Variants in SLC39A11 observed in about 807,000 individuals in gnomAD.
SLC39A11 encodes solute carrier family 39 member 11.
A neutral mutation model predicts 36.1 loss-of-function variants in SLC39A11; 33 were observed. That is an observed-to-expected ratio of 0.91 (90% CI 0.69 to 1.22). The LOEUF (loss-of-function observed/expected upper bound fraction) is 1.22. SLC39A11 is among the 50% of genes most tolerant of loss of function. The probability of loss-of-function intolerance (pLI) is 0.00; values close to 1 mark genes in which losing one functional copy is unlikely to be tolerated. For missense variants in SLC39A11, 432 were observed against 430.3 expected (o/e 1.00, Z -0.03); for synonymous variants, 166 against 170.3 (o/e 0.97, Z 0.20).
At chr17:72,875,261 T>G (rs921265993) in intron 5 of SLC39A11, among the ~76,000 whole-genome samples, 6 of 152,348 alleles carry the variant, frequency 3.9e-5, no homozygotes, top group African/African-American at 1.4e-4. Context: ...ATTATTGAAT[T>G]TGCCAGCAAG....
chr17:72,895,496 T>A (rs1280274755), intron 5 of SLC39A11, among the ~76,000 whole-genome samples: 1 of 151,974 alleles, frequency 6.6e-6, no homozygotes, highest in African/African-American at 2.4e-5. Context: ...GGAGAATTGC[T>A]TGAACCCAGG....
At chr17:72,709,527 C>T (rs2073030966) in intron 7 of SLC39A11, among the ~76,000 whole-genome samples, 1 of 152,122 alleles carries the variant, frequency 6.6e-6, no homozygotes, top group African/African-American at 2.4e-5. Flanking sequence ...ATGAGCTGAG[C>T]CAAATATCTT....
At chr17:72,727,089 G>A (rs1023736659) in intron 7 of SLC39A11, among the ~76,000 whole-genome samples, 1 of 152,188 alleles carries the variant, frequency 6.6e-6, no homozygotes, top group East Asian at 1.9e-4. Context: ...CTCTTGACGC[G>A]TGCTTAGTCA....
intron 5 of SLC39A11, among the ~76,000 whole-genome samples, chr17:72,916,691 C>T (rs558961309): frequency 1.3e-5 from 2 of 152,278 alleles, no homozygotes; most frequent in African/African-American, 4.8e-5. Context: ...GAGATACATC[C>T]CAGCCTTCCT....
chr17:72,772,790 G>C (rs779652612), intron 6 of SLC39A11, among the ~76,000 whole-genome samples: 20 of 152,218 alleles, frequency 1.3e-4, no homozygotes, highest in Non-Finnish European at 1.9e-4. Context: ...AGAGGAAAGA[G>C]AGAAATGCAC....
intron 6 of SLC39A11, among the ~76,000 whole-genome samples, chr17:72,799,065 C>T (rs2076996259): frequency 6.6e-6 from 1 of 151,180 alleles, no homozygotes; most frequent in Non-Finnish European, 1.5e-5. Context: ...GTGTGTGTGT[C>T]TGTGAGTGTG....
chr17:73,067,993 C>G lies in SLC39A11; in HGVS notation c.147+16815G>C, dbSNP rs1267143470. On this transcript the variant is annotated intron_variant, in intron 3 of 9. Transcript: ENST00000255559. ...AGGACTGATTCACATAAATAAACAA[C>G]TGTTCTGAGGCCACAAGTTTAAGAA... 3 of 1,595,048 alleles carry G rather than the reference C, an allele frequency of 1.9e-6. No individual in the cohort carries two copies. The African/African-American group carries it at 4.0e-5, about 21-fold the overall frequency.
chr17:73,085,745 T>G lies in SLC39A11; in HGVS notation c.109-899A>C, dbSNP rs147118990. 8.1e-3 allele frequency among the ~76,000 whole-genome samples: 1,228 copies of G among 151,590 alleles called. 19 individuals carry two copies. The highest frequency in any genetic ancestry group is 0.057 in the South Asian group (272 of 4,796). Reference sequence around the variant, plus strand: ...ACCGATGAGAGGTGAACACTATGTGTGCCACTCCTGAGTAATCCCATGACA... The same window carrying G: ...ACCGATGAGAGGTGAACACTATGTGGGCCACTCCTGAGTAATCCCATGACA... On this transcript the variant is annotated intron_variant, in intron 2 of 9. Coordinates refer to ENST00000255559, the MANE Select transcript of SLC39A11 (RefSeq NM_139177.4).
intron 5 of SLC39A11, among the ~76,000 whole-genome samples, chr17:72,857,273 T>C (rs545493600): frequency 3.1e-4 from 47 of 152,318 alleles, no homozygotes; most frequent in African/African-American, 1.1e-3. Flanking sequence ...CTAAGGATAA[T>C]AGCCTCCAAC....
At chr17:72,959,325 G>GTGTGTATATATATATA (rs1436484912) in intron 4 of SLC39A11, among the ~76,000 whole-genome samples, 7 of 65,538 alleles carry the variant, frequency 1.1e-4, no homozygotes, top group African/African-American at 4.8e-4. Flanking sequence ...GTGTGTGTGT[G>GTGTGTATATATATATA]TATATATATA....
In SLC39A11 at chr17:72,822,764, G is replaced by C. The variant is rs766643295; in HGVS notation, c.601+26870C>G. ...TTTTTTTGCTCTGTCACCCAGGCTG[G>C]AGTGCAGTGGCACGATCATAGCTCA... On this transcript the variant is annotated intron_variant, in intron 6 of 9. Transcript: ENST00000255559. 6.0e-5 allele frequency among the ~76,000 whole-genome samples: 9 copies of C among 150,864 alleles called. 1 individual carries two copies. The highest frequency in any genetic ancestry group is 1.2e-4 in the Non-Finnish European group (8 of 67,246).
chr17:72,825,626 G>C (rs2077994177), intron 6 of SLC39A11, among the ~76,000 whole-genome samples: 1 of 152,194 alleles, frequency 6.6e-6, no homozygotes, highest in African/African-American at 2.4e-5. Context: ...ACATGAGCCT[G>C]GAAAAGCAGC....
At chr17:73,078,940 T>TACACAC (rs34182605) in intron 3 of SLC39A11, among the ~76,000 whole-genome samples, 4 of 151,216 alleles carry the variant, frequency 2.6e-5, no homozygotes, top group Admixed American at 1.3e-4. Context: ...TGTTACATTT[T>TACACAC]ACACACACAC....
intron 4 of SLC39A11, among the ~76,000 whole-genome samples, chr17:72,995,882 T>C (rs948338967): frequency 2.0e-5 from 3 of 152,116 alleles, no homozygotes; most frequent in Non-Finnish European, 4.4e-5. Flanking sequence ...CTGACTAATA[T>C]ACTCCTCAAG....
At chr17:72,740,051 C>CTTTTCTTT (rs2074609094) in intron 6 of SLC39A11, among the ~76,000 whole-genome samples, 1 of 97,654 alleles carries the variant, frequency 1.0e-5, no homozygotes, top group African/African-American at 4.1e-5. Context: ...AATTTCTTTC[C>CTTTTCTTT]TTTTCTTTTT....
chr17:72,852,204 CAAAAAAAA>C lies in SLC39A11; in HGVS notation c.431-2408_431-2401del, dbSNP rs1167034424. On this transcript the variant is annotated intron_variant, in intron 5 of 9. Transcript: ENST00000255559. ...TGGGCAACAGAGCAAGACTCCGTCT[CAAAAAAAA>C]AAAAAAAAAAAAAAAACAGAAAGAA... Among the ~76,000 whole-genome samples, 20 of 39,908 alleles carry C rather than the reference CAAAAAAAA, an allele frequency of 5.0e-4. 1 individual carries two copies. The highest frequency in any genetic ancestry group is 1.7e-3 in the South Asian group (1 of 598). 26.2% of individuals were successfully genotyped at this position (39,908 alleles called of 152,430 possible).
At position 72,947,889 on chromosome 17, in the gene SLC39A11, C is replaced by T. The variant is rs1486056598; in HGVS notation, c.307-14G>A. 2 of 1,612,592 alleles carry T rather than the reference C, an allele frequency of 1.2e-6. No homozygotes were observed. The highest frequency in any genetic ancestry group is 2.2e-5 in the South Asian group (2 of 91,074). On this transcript the variant is annotated splice_polypyrimidine_tract_variant and intron_variant, in intron 4 of 9. Transcript: ENST00000255559. ...TTCTGCTGCACCCTGAAACAAGAAG[C>T]GGTAACATCACTAGAGCACCACTAC...
chr17:72,805,812 G>A (rs1444413062), intron 6 of SLC39A11, among the ~76,000 whole-genome samples: 3 of 150,992 alleles, frequency 2.0e-5, no homozygotes, highest in South Asian at 2.1e-4. Flanking sequence ...GTAGTGGGGC[G>A]ATCCTGGCTC....
chr17:73,085,642 CAAAAAAAAAAA>C (rs35729985), intron 2 of SLC39A11, among the ~76,000 whole-genome samples: 1 of 102,028 alleles, frequency 9.8e-6, no homozygotes, highest in Non-Finnish European at 1.9e-5. Context: ...AACTCCGCCT[CAAAAAAAAAAA>C]AAAAAAAAAC....
Sources: gnomAD v4.1 joint callset for allele counts (sites outside exome capture counted in the v4.1 genomes callset) on GRCh38, gnomAD v4.1.1 for gene constraint, MANE v1.5 for transcripts, NCBI Gene and HGNC (gene_info 2026-07-23, HGNC 2026-07-21) for gene names.